Variants in ABCB1 observed in about 807,000 individuals in gnomAD.
ABCB1 encodes the protein ATP binding cassette subfamily B member 1, also known as ATP-dependent translocase ABCB1.
Under a neutral mutation model 142.0 loss-of-function variants are expected in ABCB1, and 69 were observed. The observed-to-expected ratio is 0.49, with a 90% confidence interval of 0.40 to 0.59. The LOEUF (loss-of-function observed/expected upper bound fraction) is 0.59. Ranked by LOEUF, ABCB1 falls within the 20% of genes least tolerant of loss-of-function variation. ABCB1 has a pLI of 0.00. For missense variants in ABCB1, 1,326 were observed against 1,554.7 expected, an observed-to-expected ratio of 0.85 and a Z score of 2.47; for synonymous variants, 532 against 539.2, an observed-to-expected ratio of 0.99 and a Z score of 0.18.
rs1213189857 is a variant in ABCB1, at chr7:87,563,423, C to T, written c.703-2036G>A. 8.8e-6 allele frequency: 4 copies of T among 453,230 alleles called. 1 individual carries two copies. Among genetic ancestry groups the T allele is most frequent in the African/African-American group, 8.0e-5 (4 of 49,962 alleles). 28.1% of individuals were successfully genotyped at this position (453,230 alleles called of 1,614,324 possible). A position where few individuals can be genotyped will look rare whatever the true frequency, so the allele number is the denominator to read the frequency against. ...TGATACAAATATCCTCAGCAAAATC[C>T]TGGCAAACTGAATTCAGCAGCACAT... On this transcript the variant is annotated intron_variant, in intron 7 of 27. Transcript: ENST00000622132.
intron 14 of ABCB1, among the ~76,000 whole-genome samples, chr7:87,547,207 T>C (rs1386772739): frequency 1.3e-5 from 2 of 152,064 alleles, no homozygotes; most frequent in Non-Finnish European, 1.5e-5. Context: ...ATAGGATAAG[T>C]AGAAGTGGAA....
chr7:87,562,343 A>G (rs191634761), intron 7 of ABCB1, among the ~76,000 whole-genome samples: 46 of 152,316 alleles, frequency 3.0e-4, no homozygotes, highest in Admixed American at 9.8e-4. Flanking sequence ...TGACTTCTCA[A>G]AGCAATCTTC....
At chr7:87,512,821 T>C (rs1237757989) in intron 25 of ABCB1, among the ~76,000 whole-genome samples, 1 of 152,236 alleles carries the variant, frequency 6.6e-6, no homozygotes, top group East Asian at 1.9e-4. Context: ...TAATGGATAT[T>C]CCTGCAATAA....
In ABCB1 at chr7:87,585,601, G is replaced by A; in HGVS notation, c.197C>T (p.Pro66Leu). 2.5e-6 allele frequency: 4 copies of A among 1,614,014 alleles called. No homozygotes were observed. The highest frequency in any genetic ancestry group is 2.5e-6 in the Non-Finnish European group (3 of 1,179,914). Residue 66 changes from proline to leucine, a missense_variant, in exon 4 of 28, where the codon CCT becomes CTT. Transcript: ENST00000622132. Reference sequence around the variant, plus strand: ...TTCTCCAAACACCAGCATCATGAGAGGAAGTCCAGCCCCATGGATGATGGC... The same window carrying A: ...TTCTCCAAACACCAGCATCATGAGAAGAAGTCCAGCCCCATGGATGATGGC... ...LAAIIHGAGL[P>L]LMMLVFGEMT...
At chr7:87,616,321 G>A (rs565391479) in intron 1 of ABCB1, among the ~76,000 whole-genome samples, 52 of 152,254 alleles carry the variant, frequency 3.4e-4, no homozygotes, top group South Asian at 1.0e-3. Flanking sequence ...AACCTTTTTC[G>A]TCAAACCTGA....
intron 1 of ABCB1, among the ~76,000 whole-genome samples, chr7:87,613,476 ATGG>A (rs1163247028): frequency 1.3e-5 from 2 of 152,102 alleles, no homozygotes; most frequent in Non-Finnish European, 2.9e-5. Flanking sequence ...ATGCCCATCA[ATGG>A]TGGACTGAAT....
intron 1 of ABCB1, chr7:87,700,539 T>C (rs1189104087): frequency 6.2e-7 from 1 of 1,612,896 alleles, no homozygotes; most frequent in African/African-American, 1.3e-5. Context: ...AAAATGTCAG[T>C]TCTTCTAGAG....
At chr7:87,640,863 TTTTA>T (rs1262614241) in intron 1 of ABCB1, among the ~76,000 whole-genome samples, 2 of 152,156 alleles carry the variant, frequency 1.3e-5, no homozygotes, top group African/African-American at 4.8e-5. Context: ...GTTCCAGAAT[TTTTA>T]TTTGATTTTT....
intron 1 of ABCB1, chr7:87,659,277 C>T: frequency 2.5e-6 from 1 of 402,788 alleles, no homozygotes; most frequent in South Asian, 1.9e-5. Flanking sequence ...GTTTGTTCCC[C>T]CTGTTCTTGG....
In ABCB1 at chr7:87,550,037, C is replaced by A; in HGVS notation, c.1368G>T (p.Gln456His). The change falls in exon 13 of 28, where the codon CAG becomes CAT. Residue 456 changes from glutamine to histidine, a missense_variant. Coordinates refer to ENST00000622132, the MANE Select transcript of ABCB1 (RefSeq NM_001348946.2). ...PTEGMVSVDG[Q>H]DIRTINVRFL... is the part of the protein sequence containing the mutation. ...ACCTTACATTTATGGTCCTAATATC[C>A]TGTCCATCAACACTGACCTGGAATA... The A allele has an allele frequency of 6.2e-7, 1 of 1,614,192 alleles. No individual in the cohort carries two copies. Among genetic ancestry groups the A allele is most frequent in the Non-Finnish European group, 8.5e-7 (1 of 1,180,044 alleles).
At chr7:87,646,799 T>G in intron 1 of ABCB1, among the ~76,000 whole-genome samples, 1 of 152,198 alleles carries the variant, frequency 6.6e-6, no homozygotes, top group East Asian at 1.9e-4. Context: ...AATAAAAGTT[T>G]TCAAGTCCCT....
Position 87,541,361 on chromosome 7 carries a change from A to T in ABCB1, c.2315T>A (p.Leu772His), listed in dbSNP as rs753847579. The change falls in exon 18 of 28, where the codon CTT becomes CAT. Residue 772 changes from leucine (L) to histidine (H), a missense_variant. Physicochemically the swap from Leu to His is moderately conservative, Grantham distance 99 (BLOSUM62 -3). Coordinates refer to ENST00000622132, the MANE Select transcript of ABCB1 (RefSeq NM_001348946.2). ...AGTGAAAATGGAAACATTTACCTGA[A>T]GGAAAAATGTAATAAAAGAAATAAT... The part of the protein sequence containing the change: ...LGIISFITFF[L>H]QGFTFGKAGE... The T allele has an allele frequency of 6.5e-7, 1 of 1,529,916 alleles. No homozygotes were observed. Among genetic ancestry groups the T allele is most frequent in the South Asian group, 1.1e-5 (1 of 89,346 alleles). The allele number at this position is 1,529,916 out of a possible 1,614,324, so 94.8% of individuals were successfully genotyped here.
At position 87,566,350 on chromosome 7, in the gene ABCB1, C is replaced by A. The variant is rs181816814; in HGVS notation, c.531-109G>T. 363 of 1,150,862 alleles carry A rather than the reference C, an allele frequency of 3.2e-4. 6 individuals carry two copies. In the East Asian group the frequency reaches 7.7e-3, roughly 24 times the overall value. 71.3% of individuals were successfully genotyped at this position (1,150,862 alleles called of 1,614,324 possible). On this transcript the variant is annotated intron_variant, in intron 6 of 27. Coordinates refer to ENST00000622132, the MANE Select transcript of ABCB1 (RefSeq NM_001348946.2). ...AGTTTATGGCTAGAGTATTTTGTGCCTATGCTTTGTTTTATTTAGCAGGGT... is the reference window on the plus strand; with the variant it reads ...AGTTTATGGCTAGAGTATTTTGTGCATATGCTTTGTTTTATTTAGCAGGGT...
At chr7:87,591,076 T>C (rs551808836) in intron 3 of ABCB1, among the ~76,000 whole-genome samples, 1 of 152,262 alleles carries the variant, frequency 6.6e-6, no homozygotes, top group Non-Finnish European at 1.5e-5. Flanking sequence ...CCCTGGATTA[T>C]CTAGGAGAGC....
chr7:87,572,734 C>T (rs1468128978), intron 4 of ABCB1, among the ~76,000 whole-genome samples: 3 of 152,150 alleles, frequency 2.0e-5, no homozygotes, highest in Non-Finnish European at 4.4e-5. Flanking sequence ...AGAATGAGAT[C>T]ATGTCCTTTG....
intron 4 of ABCB1, among the ~76,000 whole-genome samples, chr7:87,580,366 G>A (rs182790502): frequency 2.6e-5 from 4 of 152,138 alleles, no homozygotes; most frequent in Non-Finnish European, 4.4e-5. Flanking sequence ...CTTTAAATAT[G>A]TCACGCTACT....
intron 3 of ABCB1, among the ~76,000 whole-genome samples, chr7:87,594,754 G>T (rs1819127158): frequency 6.6e-6 from 1 of 152,126 alleles, no homozygotes; most frequent in East Asian, 1.9e-4. Context: ...ACAGAGAAAC[G>T]AAGATCACAT....
At chr7:87,514,120 G>A (rs1021530090) in intron 25 of ABCB1, among the ~76,000 whole-genome samples, 36 of 152,186 alleles carry the variant, frequency 2.4e-4, no homozygotes, top group African/African-American at 8.7e-4. Context: ...TGACCGCTGT[G>A]AGGAAGTAAA....
chr7:87,689,710 A>G (rs796688690), intron 1 of ABCB1, among the ~76,000 whole-genome samples: 8 of 152,252 alleles, frequency 5.3e-5, no homozygotes, highest in African/African-American at 1.9e-4. Context: ...CCCAGTTCCT[A>G]CATCTTTCTG....
Sources: allele counts gnomAD v4.1 joint callset (sites outside exome capture counted in the v4.1 genomes callset), GRCh38; gene constraint gnomAD v4.1.1; transcripts MANE v1.5; gene names NCBI Gene and HGNC (gene_info 2026-07-23, HGNC 2026-07-21).